The following ALK variants were observed in gnomAD, a reference collection of about 807,000 sequenced individuals.
ALK encodes the protein ALK receptor tyrosine kinase, also known as ALK tyrosine kinase receptor.
A neutral mutation model predicts 163.1 loss-of-function variants in ALK; 74 were observed. The observed-to-expected ratio is 0.45, with a 90% confidence interval of 0.38 to 0.55. The LOEUF (loss-of-function observed/expected upper bound fraction) is 0.55, where lower values mean the gene tolerates loss of function less well. Ranked by LOEUF, ALK falls within the 20% of genes least tolerant of loss-of-function variation. ALK has a pLI of 0.00. For missense variants in ALK, 2,063 were observed against 2,105.3 expected (o/e 0.98, Z 0.39); for synonymous variants, 960 against 843.2 (o/e 1.14, Z -2.40).
intron 4 of ALK, among the ~76,000 whole-genome samples, chr2:29,413,275 C>T (rs56302555): frequency 0.014 from 2,114 of 152,200 alleles, 37 homozygotes; most frequent in African/African-American, 0.048. Flanking sequence ...TTACAGTAAA[C>T]TCTTTTCTTT....
Position 29,804,274 on chromosome 2 carries a change from T to A in ALK, c.668-86577A>T, listed in dbSNP as rs189342172. On this transcript the variant is annotated intron_variant, in intron 1 of 28. Transcript: ENST00000389048. ...CCACTGGCCCCACAGACAGGTGGGG[T>A]ACAAGGCAGGGCAGCCCATGCTCTG... Among the ~76,000 whole-genome samples the A allele has an allele frequency of 1.5e-3, 221 of 152,316 alleles. 1 individual carries two copies. The highest frequency in any genetic ancestry group is 5.2e-3 in the African/African-American group (216 of 41,568).
intron 4 of ALK, among the ~76,000 whole-genome samples, chr2:29,404,017 T>C (rs1669517494): frequency 6.6e-6 from 1 of 151,798 alleles, no homozygotes; most frequent in Admixed American, 6.6e-5. Flanking sequence ...ATAAAAGGAG[T>C]TGTAGGCCGG....
intron 24 of ALK, among the ~76,000 whole-genome samples, chr2:29,210,527 G>A (rs1462834322): frequency 6.6e-6 from 1 of 152,034 alleles, no homozygotes; most frequent in East Asian, 1.9e-4. Flanking sequence ...CTGCCTCCCG[G>A]GTTCAAGCAA....
chr2:29,716,649 C>T (rs529792800), intron 2 of ALK, among the ~76,000 whole-genome samples: 1 of 152,258 alleles, frequency 6.6e-6, no homozygotes, highest in South Asian at 2.1e-4. Context: ...GCTGGAGAAG[C>T]CACTCTGTGT....
intron 3 of ALK, among the ~76,000 whole-genome samples, chr2:29,561,134 T>C (rs924006617): frequency 1.3e-5 from 2 of 152,198 alleles, no homozygotes; most frequent in Admixed American, 6.5e-5. Context: ...ATTTTACTTA[T>C]TTACTTTTAC....
At chr2:29,278,926 G>C (rs1356396041) in intron 9 of ALK, among the ~76,000 whole-genome samples, 1 of 152,156 alleles carries the variant, frequency 6.6e-6, no homozygotes, top group Non-Finnish European at 1.5e-5. Context: ...TATGAGGGGT[G>C]TACCTTCCAG....
At chr2:29,856,927 C>T (rs1172388344) in intron 1 of ALK, among the ~76,000 whole-genome samples, 1 of 152,146 alleles carries the variant, frequency 6.6e-6, no homozygotes, top group East Asian at 1.9e-4. Context: ...TAATAGGCAC[C>T]GTTCTCAGTT....
chr2:29,320,939 C>T (rs927806621), intron 6 of ALK, 57 bp from the exon 7 acceptor site: 31 of 1,611,298 alleles, frequency 1.9e-5, no homozygotes, highest in Middle Eastern at 3.3e-4. Context: ...GCAAAATATG[C>T]CAATGCCAAG....
chr2:29,255,321 C>A (rs1244596170), intron 11 of ALK, among the ~76,000 whole-genome samples: 1 of 152,184 alleles, frequency 6.6e-6, no homozygotes, highest in Non-Finnish European at 1.5e-5. Flanking sequence ...AATGTCACAG[C>A]ACAGTGGGAC....
intron 1 of ALK, among the ~76,000 whole-genome samples, chr2:29,847,325 C>G (rs4594403): frequency 4.0e-5 from 6 of 151,830 alleles, no homozygotes. Context: ...TGGACCTGGG[C>G]TCCTATCTGC....
Position 29,275,086 on chromosome 2 carries a change from G to C in ALK, c.2041+13C>G, listed in dbSNP as rs1293978616. ...GAAGTTACTGTGCTCACATTTGTGAGCTGAACCCTTACCTGTAGGGTCAAA... is the reference window on the plus strand; with the variant it reads ...GAAGTTACTGTGCTCACATTTGTGACCTGAACCCTTACCTGTAGGGTCAAA... On this transcript the variant is annotated intron_variant, in intron 11 of 28. Transcript: ENST00000389048. The C allele has an allele frequency of 6.2e-7, 1 of 1,613,838 alleles. No individual in the cohort carries two copies. Among genetic ancestry groups the C allele is most frequent in the Non-Finnish European group, 8.5e-7 (1 of 1,180,022 alleles).
intron 4 of ALK, among the ~76,000 whole-genome samples, chr2:29,410,800 G>A (rs1002137330): frequency 1.3e-5 from 2 of 152,238 alleles, no homozygotes; most frequent in East Asian, 3.8e-4. Context: ...TCAGTGAGGA[G>A]TGGTGAGTGA....
chr2:29,258,780 T>C (rs538372599), intron 11 of ALK, among the ~76,000 whole-genome samples: 49 of 152,322 alleles, frequency 3.2e-4, no homozygotes, highest in African/African-American at 1.1e-3. Flanking sequence ...TATGACAAAA[T>C]ACTTCTTCTC....
intron 3 of ALK, among the ~76,000 whole-genome samples, chr2:29,635,414 G>A (rs1282972144): frequency 6.6e-6 from 1 of 152,120 alleles, no homozygotes; most frequent in Non-Finnish European, 1.5e-5. Flanking sequence ...GTTGACAATT[G>A]TACAGATATT....
intron 1 of ALK, among the ~76,000 whole-genome samples, chr2:29,875,939 T>C (rs1049643129): frequency 6.6e-6 from 1 of 152,234 alleles, no homozygotes; most frequent in Non-Finnish European, 1.5e-5. Context: ...CCTTTGGGTA[T>C]CTACCCAGTA....
rs1669862488 is a variant in ALK, at chr2:29,223,420, G to C, written c.3281C>G (p.Pro1094Arg). 1 of 1,614,176 alleles carries C rather than the reference G, an allele frequency of 6.2e-7. No homozygotes were observed. The highest frequency in any genetic ancestry group is 2.2e-5 in the East Asian group (1 of 44,876). ...GGTCTTGCCAGCAAAGCAGTAGTTG[G>C]GGTTGTAGTCGGTCATGATGGTCGA... is the stretch of plus-strand genomic sequence containing the variant. The part of the protein sequence containing the change: ...RTSTIMTDYN[P>R]NYCFAGKTSS... Residue 1094 changes from proline to arginine, a missense_variant, in exon 20 of 29, where the codon CCC (proline) becomes CGC (arginine). Around this residue, in one of 5 missense-constraint regions of ALK, gnomAD observed 575 missense variants for 626.6 expected, o/e 0.92. Coordinates refer to ENST00000389048, the MANE Select transcript of ALK (RefSeq NM_004304.5).
chr2:29,633,842 C>A (rs1460184593), intron 3 of ALK, among the ~76,000 whole-genome samples: 1 of 152,118 alleles, frequency 6.6e-6, no homozygotes, highest in Non-Finnish European at 1.5e-5. Flanking sequence ...CCTTGAAAAA[C>A]ACAAACCACC....
chr2:29,436,021 T>C lies in ALK; in HGVS notation c.1155-52162A>G, dbSNP rs150936695. ...GCAAGATACAAATATTATAAAACCA[T>C]TGGGAAGACTGGAACTCCTTAGAAA... On this transcript the variant is annotated intron_variant, in intron 4 of 28. Transcript: ENST00000389048. Among the ~76,000 whole-genome samples the C allele has an allele frequency of 9.5e-3, 1,440 of 152,028 alleles. 31 individuals carry two copies. Among genetic ancestry groups the C allele is most frequent in the African/African-American group, 0.033 (1,356 of 41,460 alleles).
intron 4 of ALK, among the ~76,000 whole-genome samples, chr2:29,440,393 T>C (rs998707798): frequency 6.7e-6 from 1 of 149,678 alleles, no homozygotes. Context: ...CTCCGCTCAC[T>C]ATAATCTCTG....
Sources: allele counts gnomAD v4.1 joint callset (sites outside exome capture counted in the v4.1 genomes callset), GRCh38; gene constraint gnomAD v4.1.1; regional missense constraint gnomAD v4.1.1; transcripts MANE v1.5; gene names NCBI Gene and HGNC (gene_info 2026-07-23, HGNC 2026-07-21).